Variants in OCIAD1 observed in about 807,000 individuals in gnomAD.
The protein encoded by OCIAD1 is OCIA domain containing 1.
In OCIAD1, 29 loss-of-function variants were observed where a neutral mutation model predicts 38.9. The ratio of observed to expected loss-of-function variants is 0.74; its 90% confidence interval spans 0.55 to 1.02. OCIAD1 has a LOEUF of 1.02. Ranked by LOEUF, OCIAD1 falls within the 50% of genes least tolerant of loss-of-function variation. The probability of loss-of-function intolerance (pLI) is 0.00; values close to 1 mark genes in which losing one functional copy is unlikely to be tolerated. For missense variants in OCIAD1, 288 were observed against 289.6 expected (o/e 0.99, Z 0.04); for synonymous variants, 110 against 92.0 (o/e 1.20, Z -1.12).
At chr4:48,845,490 C>T (rs1231040560) in intron 4 of OCIAD1, among the ~76,000 whole-genome samples, 1 of 152,136 alleles carries the variant, frequency 6.6e-6, no homozygotes, top group African/African-American at 2.4e-5. Context: ...TCAGGCGATT[C>T]CTCTGTTTCA....
intron 8 of OCIAD1, among the ~76,000 whole-genome samples, chr4:48,859,571 T>A (rs1780419126): frequency 6.6e-6 from 1 of 152,198 alleles, no homozygotes; most frequent in Non-Finnish European, 1.5e-5. Flanking sequence ...CATTTTTGAT[T>A]TTTGACTGAA....
At chr4:48,805,302 AC>A (rs1777013752) in exon 1 of OCIAD1, 1 of 152,120 alleles carries the variant, frequency 6.6e-6, no homozygotes, top group Non-Finnish European at 1.5e-5. Context: ...GATGACTGTA[AC>A]CCCAGCCTAC....
chr4:48,852,878 T>TTTTGTTTTTTGTC (rs1779628749), intron 7 of OCIAD1, among the ~76,000 whole-genome samples: 1 of 147,202 alleles, frequency 6.8e-6, no homozygotes, highest in South Asian at 2.1e-4. Flanking sequence ...TTTTTTTGTT[T>TTTTGTTTTTTGTC]TTTGTTTTTT....
chr4:48,860,574 G>C, intron 8 of OCIAD1, 151 bp from the exon 9 acceptor site: 1 of 674,684 alleles, frequency 1.5e-6, no homozygotes, highest in East Asian at 2.8e-5. Flanking sequence ...CAAAAGTCTG[G>C]TCATCCCCTT....
chr4:48,841,650 G>A (rs761293044), intron 3 of OCIAD1, among the ~76,000 whole-genome samples: 1 of 152,086 alleles, frequency 6.6e-6, no homozygotes, highest in African/African-American at 2.4e-5. Context: ...AGCCAATTAC[G>A]CATATCAATG....
intron 1 of OCIAD1, among the ~76,000 whole-genome samples, chr4:48,805,916 T>G (rs2109483436): frequency 6.6e-6 from 1 of 152,362 alleles, no homozygotes; most frequent in South Asian, 2.1e-4. Context: ...TAAAGCCATC[T>G]CAATTTTCTT....
chr4:48,860,642 T>G, intron 8 of OCIAD1, 83 bp from the exon 9 acceptor site: 1 of 1,056,278 alleles, frequency 9.5e-7, no homozygotes, highest in Non-Finnish European at 1.5e-6. Flanking sequence ...GAAACATAAC[T>G]TTTCATCATA....
intron 1 of OCIAD1, among the ~76,000 whole-genome samples, chr4:48,820,205 C>G (rs983760303): frequency 1.2e-4 from 19 of 152,194 alleles, no homozygotes; most frequent in Admixed American, 9.8e-4. Context: ...AACAGTCTCT[C>G]AGACCACAGT....
At chr4:48,850,159 A>G in intron 6 of OCIAD1, 77 bp downstream of exon 6, 1 of 1,468,878 alleles carries the variant, frequency 6.8e-7, no homozygotes, top group Non-Finnish European at 9.3e-7. Flanking sequence ...CTCATGGCTC[A>G]AAAACATTGC....
intron 5 of OCIAD1, 27 bp from the exon 6 acceptor site, chr4:48,849,920 C>T (rs3761729): frequency 0.5 from 784,865 of 1,574,092 alleles, 199,172 homozygotes; most frequent in South Asian, 0.6. Context: ...CATTCAGTTA[C>T]ACTTTTTGTT....
chr4:48,849,890 A>G, intron 5 of OCIAD1, 57 bp from the exon 6 acceptor site: 1 of 1,494,068 alleles, frequency 6.7e-7, no homozygotes, highest in Non-Finnish European at 9.1e-7. Context: ...CTTTTAGAAA[A>G]TACTTTTGTC....
chr4:48,814,763 C>T lies in OCIAD1; in HGVS notation c.-103+9433C>T, dbSNP rs181840338. Among the ~76,000 whole-genome samples, 32 of 152,224 alleles carry T rather than the reference C, an allele frequency of 2.1e-4. 1 individual carries two copies. In the East Asian group the frequency reaches 5.2e-3, roughly 25 times the overall value. ...TTCAAGAAAAACAAAAAAGAACTCACATTTTCTGCATGCAAACCAAGTCCT... is the reference window on the plus strand; with the variant it reads ...TTCAAGAAAAACAAAAAAGAACTCATATTTTCTGCATGCAAACCAAGTCCT... On this transcript the variant is annotated intron_variant, in intron 1 of 6. Transcript: ENST00000504654.
rs371686248 is a variant in OCIAD1 at position 48,839,859 on chromosome 4, A to G, written c.140-2777A>G. ...TGCCTATAGAGACAGATTATTTAAC[A>G]AAATAGATATTACATACTGTAGTGG... On this transcript the variant is annotated intron_variant, in intron 3 of 8. Coordinates refer to ENST00000264312, the MANE Select transcript of OCIAD1 (RefSeq NM_017830.4). Among the ~76,000 whole-genome samples the G allele has an allele frequency of 2.1e-3, 316 of 152,334 alleles. 1 individual carries two copies. The highest frequency in any genetic ancestry group is 6.9e-3 in the African/African-American group (287 of 41,586).
intron 8 of OCIAD1, 102 bp from the exon 9 acceptor site, chr4:48,860,615 TTTATTCAA>T (rs1780512533): frequency 7.9e-6 from 7 of 881,038 alleles, no homozygotes; most frequent in Non-Finnish European, 1.3e-5. Context: ...CTCATGTGCT[TTTATTCAA>T]ATGAGAGAGA....
chr4:48,823,755 TG>T (rs1777220673), intron 1 of OCIAD1, among the ~76,000 whole-genome samples: 1 of 140,160 alleles, frequency 7.1e-6, no homozygotes, highest in Non-Finnish European at 1.5e-5. Flanking sequence ...CTTAAATCCC[TG>T]GGCATAAGTG....
At chr4:48,832,768 T>C in intron 2 of OCIAD1, 86 bp downstream of exon 2, 1 of 958,160 alleles carries the variant, frequency 1.0e-6, no homozygotes, top group South Asian at 1.3e-5. Context: ...GCAGGTGGGC[T>C]GGCTTCATGG....
chr4:48,848,047 A>G (rs1336858159), intron 4 of OCIAD1, among the ~76,000 whole-genome samples: 1 of 147,412 alleles, frequency 6.8e-6, no homozygotes, highest in African/African-American at 2.5e-5. Flanking sequence ...CTGGGTTTTG[A>G]GCGTTTTTTT....
intron 1 of OCIAD1, among the ~76,000 whole-genome samples, chr4:48,822,627 A>T (rs898638958): frequency 2.6e-5 from 4 of 152,144 alleles, no homozygotes; most frequent in Admixed American, 2.0e-4. Context: ...ATGGGAGAAA[A>T]TTTTTGCAAG....
At chr4:48,844,123 A>G (rs1025677669) in intron 4 of OCIAD1, among the ~76,000 whole-genome samples, 5 of 152,166 alleles carry the variant, frequency 3.3e-5, no homozygotes, top group East Asian at 1.9e-4. Flanking sequence ...ATGAGAAGAA[A>G]GAACATACCA....
Sources: allele counts gnomAD v4.1 joint callset (sites outside exome capture counted in the v4.1 genomes callset), GRCh38; gene constraint gnomAD v4.1.1; transcripts MANE v1.5; gene names NCBI Gene and HGNC (gene_info 2026-07-23, HGNC 2026-07-21).